PDE4D: variants seen among roughly 807,000 people sequenced by gnomAD.
PDE4D encodes 3',5'-cyclic-AMP phosphodiesterase 4D.
Under a neutral mutation model 87.4 loss-of-function variants are expected in PDE4D, and 24 were observed. The observed-to-expected ratio is 0.27, with a 90% CI of 0.20 to 0.39. The LOEUF is 0.39. Among genes scored for constraint, PDE4D ranks in the 10% least tolerant of loss-of-function variants. The pLI is 1.00. For missense variants in PDE4D, 714 were observed against 1,041.0 expected (o/e 0.69, Z 4.32); for synonymous variants, 384 against 383.2 (o/e 1.00, Z -0.02).
intron 2 of PDE4D, among the ~76,000 whole-genome samples, chr5:60,056,645 G>A (rs1276071526): frequency 2.6e-5 from 4 of 152,012 alleles, no homozygotes; most frequent in Non-Finnish European, 2.9e-5. Context: ...GAAGTCAAGA[G>A]GCCCAAGTTC....
At position 60,215,612 on chromosome 5, in the gene PDE4D, T is replaced by A. The variant is rs1743772108; in HGVS notation, c.-89-29925A>T. Among the ~76,000 whole-genome samples the A allele has an allele frequency of 1.3e-5, 2 of 152,178 alleles. 1 individual carries two copies. Among genetic ancestry groups the A allele is most frequent in the African/African-American group, 4.8e-5 (2 of 41,460 alleles). On this transcript the variant is annotated intron_variant, in intron 1 of 16. Coordinates refer to the PDE4D transcript ENST00000502484. The stretch of plus-strand genomic sequence containing the variant: ...ATATGATGTATAAAGGACTTATTCA[T>A]GTTAATATGTTTAGGGACGTATCTT...
chr5:59,606,085 A>G (rs1016607136), intron 1 of PDE4D, among the ~76,000 whole-genome samples: 3 of 152,092 alleles, frequency 2.0e-5, no homozygotes, highest in African/African-American at 7.2e-5. Flanking sequence ...ATGTATATAC[A>G]TGAATATACA....
intron 5 of PDE4D, among the ~76,000 whole-genome samples, chr5:59,117,069 C>T (rs1773730493): frequency 6.6e-6 from 1 of 152,154 alleles, no homozygotes; most frequent in Non-Finnish European, 1.5e-5. Flanking sequence ...CCAGTTCCTT[C>T]ATCTTAATTT....
At position 60,014,929 on chromosome 5, in the gene PDE4D, G is replaced by C. The variant is rs1020055388; in HGVS notation, c.43-26212C>G. ...AATGGAATAGAAATCCACATCCAGA[G>C]AACAGGATCCTTTTCAGGAAACCTA... On this transcript the variant is annotated intron_variant, in intron 2 of 16. Coordinates refer to the PDE4D transcript ENST00000502484. Among the ~76,000 whole-genome samples the C allele has an allele frequency of 3.9e-5, 6 of 152,172 alleles. 1 individual carries two copies. Among genetic ancestry groups the C allele is most frequent in the Admixed American group, 6.5e-5 (1 of 15,286 alleles).
At chr5:59,771,433 A>AAAAGAAAGAAAG (rs745783951) in intron 1 of PDE4D, among the ~76,000 whole-genome samples, 8 of 93,828 alleles carry the variant, frequency 8.5e-5, no homozygotes, top group Admixed American at 5.3e-4. Flanking sequence ...AAGAAAAAGA[A>AAAAGAAAGAAAG]AAAGAAAGAA....
intron 1 of PDE4D, chr5:60,372,793 T>G (rs867836340): frequency 6.6e-6 from 1 of 152,230 alleles, no homozygotes; most frequent in Admixed American, 6.5e-5. Context: ...CTTAAAATTG[T>G]TGTGAGACTT....
At chr5:59,552,061 T>A (rs1219483798) in intron 1 of PDE4D, among the ~76,000 whole-genome samples, 2 of 151,920 alleles carry the variant, frequency 1.3e-5, no homozygotes, top group African/African-American at 4.8e-5. Context: ...ACAAAAAATT[T>A]TTGAAAAACT....
intron 3 of PDE4D, among the ~76,000 whole-genome samples, chr5:59,950,960 G>A (rs1238181701): frequency 1.3e-5 from 2 of 151,936 alleles, no homozygotes; most frequent in Non-Finnish European, 2.9e-5. Flanking sequence ...TACAGAAGAA[G>A]AGCAATTTCA....
chr5:59,659,120 G>T (rs1184531255), intron 1 of PDE4D, among the ~76,000 whole-genome samples: 3 of 152,226 alleles, frequency 2.0e-5, no homozygotes, highest in African/African-American at 7.2e-5. Flanking sequence ...CTTATACTGG[G>T]AAGGGATATG....
At chr5:60,183,613 T>C (rs1457793736) in intron 2 of PDE4D, among the ~76,000 whole-genome samples, 2 of 152,204 alleles carry the variant, frequency 1.3e-5, no homozygotes, top group African/African-American at 4.8e-5. Flanking sequence ...GAGAGGCATG[T>C]AGGGAGGAAC....
At chr5:59,462,900 T>C (rs1215032607) in intron 1 of PDE4D, among the ~76,000 whole-genome samples, 3 of 149,088 alleles carry the variant, frequency 2.0e-5, no homozygotes, top group East Asian at 1.9e-4. Context: ...AAAAAGTTAA[T>C]TGTAAAAAAA....
intron 1 of PDE4D, among the ~76,000 whole-genome samples, chr5:59,754,084 C>T (rs1760869413): frequency 6.6e-6 from 1 of 152,128 alleles, no homozygotes; most frequent in Non-Finnish European, 1.5e-5. Flanking sequence ...AATCCCAGTA[C>T]TTTGGGAGGC....
At chr5:60,508,732 A>T (rs1750429054) in intron 1 of PDE4D, among the ~76,000 whole-genome samples, 1 of 152,048 alleles carries the variant, frequency 6.6e-6, no homozygotes, top group Admixed American at 6.5e-5. Context: ...TCAATACATA[A>T]CTTTGTTTTT....
chr5:60,102,240 G>A (rs1181258959), intron 2 of PDE4D, among the ~76,000 whole-genome samples: 2 of 151,576 alleles, frequency 1.3e-5, no homozygotes, highest in African/African-American at 4.9e-5. Flanking sequence ...TTGTTTTTTT[G>A]CTTTTTTGCT....
chr5:60,251,023 C>G (rs1748379830), intron 1 of PDE4D, among the ~76,000 whole-genome samples: 1 of 151,186 alleles, frequency 6.6e-6, no homozygotes. Flanking sequence ...GAAAAAAGTT[C>G]AAAAAATAAA....
chr5:59,918,616 G>A (rs576051424), intron 3 of PDE4D, among the ~76,000 whole-genome samples: 1 of 152,282 alleles, frequency 6.6e-6, no homozygotes, highest in East Asian at 1.9e-4. Flanking sequence ...GAAGCAGGCT[G>A]CTTGTTGTAA....
intron 5 of PDE4D, among the ~76,000 whole-genome samples, chr5:59,072,738 C>G (rs1203644663): frequency 6.6e-6 from 1 of 152,156 alleles, no homozygotes; most frequent in African/African-American, 2.4e-5. Flanking sequence ...TTCTGTTTTA[C>G]TATTCTAACT....
At chr5:59,891,945 CA>C (rs1751017743) in intron 1 of PDE4D, among the ~76,000 whole-genome samples, 1 of 152,154 alleles carries the variant, frequency 6.6e-6, no homozygotes, top group South Asian at 2.1e-4. Context: ...TATAACTGCC[CA>C]TTGTTCAGAC....
chr5:59,022,958 G>A (rs533879730), intron 6 of PDE4D, among the ~76,000 whole-genome samples: 4 of 152,262 alleles, frequency 2.6e-5, no homozygotes, highest in East Asian at 3.9e-4. Flanking sequence ...GGCAGATTAC[G>A]AGGTCAGGAG....
Sources: allele counts gnomAD v4.1 joint callset (sites outside exome capture counted in the v4.1 genomes callset), GRCh38; gene constraint gnomAD v4.1.1; transcripts MANE v1.5; gene names NCBI Gene and HGNC (gene_info 2026-07-23, HGNC 2026-07-21).